The following SYNE2 variants were observed in gnomAD, a reference collection of about 807,000 sequenced individuals.
SYNE2 encodes nesprin-2.
SYNE2 carries 431 observed loss-of-function variants against 856.3 expected under a neutral mutation model. That is an observed-to-expected ratio of 0.50 (90% confidence interval 0.47 to 0.55). SYNE2 has a LOEUF of 0.55. Ranked by LOEUF, SYNE2 falls within the 20% of genes least tolerant of loss-of-function variation. The pLI is 0.00. For missense variants in SYNE2, 8,129 were observed against 8,023.2 expected, an observed-to-expected ratio of 1.01 and a Z score of -0.50; for synonymous variants, 2,923 against 2,872.3, an observed-to-expected ratio of 1.02 and a Z score of -0.56.
intron 8 of SYNE2, among the ~76,000 whole-genome samples, chr14:63,960,230 C>A (rs2096292407): frequency 6.6e-6 from 1 of 152,172 alleles, no homozygotes; most frequent in Non-Finnish European, 1.5e-5. Context: ...AGACCCTACC[C>A]TCAGCTTTTT....
At chr14:63,950,150 C>A in intron 7 of SYNE2, 144 bp downstream of exon 7, 3 of 985,428 alleles carry the variant, frequency 3.0e-6, no homozygotes, top group East Asian at 2.5e-5. Flanking sequence ...ACGTGGAAGC[C>A]CAAGAGCTCA....
intron 11 of SYNE2, among the ~76,000 whole-genome samples, chr14:63,969,799 G>A (rs529404312): frequency 8.5e-5 from 13 of 152,176 alleles, no homozygotes; most frequent in South Asian, 4.2e-4. Context: ...CACATTATCT[G>A]TGTCTTGACT....
rs368558208 is a variant in SYNE2 at position 63,821,753 on chromosome 14, G to GA, written c.-304-30738dup. ...AGGTGACAGAGCAAGACTCCATCTT[G>GA]AAAAAAAAAAGAATAATGGAGTAAG... is the stretch of plus-strand genomic sequence containing the variant. On this transcript the variant is annotated intron_variant, in intron 1 of 23. Transcript: ENST00000674003. Among the ~76,000 whole-genome samples the GA allele has an allele frequency of 7.9e-3, 1,140 of 145,138 alleles. 7 individuals carry two copies. The highest frequency in any genetic ancestry group is 0.018 in the Admixed American group (256 of 14,544).
chr14:63,873,439 A>C (rs1404404753), intron 1 of SYNE2: 1 of 151,974 alleles, frequency 6.6e-6, no homozygotes, highest in Non-Finnish European at 1.5e-5. Flanking sequence ...TCTGTTGCCC[A>C]GGCTGGAGTA....
intron 1 of SYNE2, among the ~76,000 whole-genome samples, chr14:63,803,431 G>C (rs564189554): frequency 5.3e-5 from 8 of 152,332 alleles, no homozygotes; most frequent in Non-Finnish European, 1.0e-4. Context: ...GCTAAGGCTC[G>C]GTGAGAAATC....
rs1375697679 is a variant in SYNE2, at chr14:63,974,892, G to GTGTATATATATATATATATATA, written c.1129-1670_1129-1669insGTATATATATATATATATATAT. Among the ~76,000 whole-genome samples the GTGTATATATATATATATATATA allele has an allele frequency of 9.4e-4, 63 of 67,210 alleles. 1 individual carries two copies. Among genetic ancestry groups the GTGTATATATATATATATATATA allele is most frequent in the Non-Finnish European group, 1.3e-3 (41 of 32,140 alleles). The allele number at this position is 67,210 out of a possible 152,430, so 44.1% of individuals were successfully genotyped here. On this transcript the variant is annotated intron_variant, in intron 11 of 115. Transcript: ENST00000555002. ...TGTGTGTGTGTGTGTGTGTGTGTGT[G>GTGTATATATATATATATATATA]TATATATATATATATATATATATAT...
At chr14:64,004,773 C>G (rs113157914) in intron 30 of SYNE2, among the ~76,000 whole-genome samples, 1,599 of 152,338 alleles carry the variant, frequency 0.01, 31 homozygotes, top group African/African-American at 0.036. Context: ...GAAATGCTCA[C>G]ACCCTCAGGC....
At chr14:64,177,608 G>T (rs552843296) in intron 96 of SYNE2, 125 bp downstream of exon 96, 17 of 1,278,506 alleles carry the variant, frequency 1.3e-5, no homozygotes, top group East Asian at 2.3e-5. Context: ...ATATTTTCCC[G>T]ATCTGTCTAA....
chr14:64,167,580 C>T lies in SYNE2; in HGVS notation c.16846C>T (p.Leu5616Phe). ...IQLLEKIEEA[L>F]KVDVANSLPE... The stretch of plus-strand genomic sequence containing the variant: ...ACTTTTGGAGAAGATAGAAGAAGCA[C>T]TCAAAGTGGATGTGGCTAACAGCCT... The change falls in exon 92 of 116, where the codon CTC (leucine) becomes TTC (phenylalanine). Residue 5616 changes from leucine to phenylalanine, a missense_variant. By Grantham distance (22) the Leu-to-Phe change is conservative. Around this residue, in one of 3 missense-constraint regions of SYNE2, gnomAD observed 5,410 missense variants for 5,284.8 expected, o/e 1.02. Transcript: ENST00000555002. 6.2e-7 allele frequency: 1 copy of T among 1,614,184 alleles called. No homozygotes were observed. The highest frequency in any genetic ancestry group is 8.5e-7 in the Non-Finnish European group (1 of 1,180,032).
intron 1 of SYNE2, among the ~76,000 whole-genome samples, chr14:63,898,091 C>G (rs1185550353): frequency 1.3e-5 from 2 of 152,188 alleles, no homozygotes; most frequent in Non-Finnish European, 2.9e-5. Context: ...TAGTGTATTT[C>G]CTAATGTATG....
At chr14:64,200,029 G>T (rs949091498) in intron 99 of SYNE2, among the ~76,000 whole-genome samples, 5 of 152,126 alleles carry the variant, frequency 3.3e-5, no homozygotes, top group Admixed American at 6.5e-5. Flanking sequence ...AGGGTTAACA[G>T]TTCAAGATCA....
chr14:63,932,700 C>G (rs1351335106), intron 2 of SYNE2, among the ~76,000 whole-genome samples: 1 of 152,160 alleles, frequency 6.6e-6, no homozygotes, highest in Admixed American at 6.6e-5. Context: ...AGTTGAGACC[C>G]TATCTCCAAA....
intron 65 of SYNE2, among the ~76,000 whole-genome samples, chr14:64,108,335 G>A (rs890883015): frequency 2.6e-5 from 4 of 152,190 alleles, no homozygotes; most frequent in South Asian, 2.1e-4. Flanking sequence ...CTGCCTGGGC[G>A]ATTGAGCAAG....
At position 64,167,340 on chromosome 14, in the gene SYNE2, GA is replaced by G. The variant is rs771576629; in HGVS notation, c.16715del (p.Asn5572ThrfsTer23). 1 of 1,614,212 alleles carries G rather than the reference GA, an allele frequency of 6.2e-7. No individual in the cohort carries two copies. Among genetic ancestry groups the G allele is most frequent in the Non-Finnish European group, 8.5e-7 (1 of 1,180,040 alleles). On this transcript the variant is annotated frameshift_variant, in exon 91 of 116. Transcript: ENST00000555002. LOFTEE classifies it high-confidence loss of function. Reference sequence around the variant, plus strand: ...TAGCTGTGAAGACGTTACAAAATATGAACCGGCAATGGATTCGGGCCACGGC... The same window carrying G: ...TAGCTGTGAAGACGTTACAAAATATGACCGGCAATGGATTCGGGCCACGGC... ...DVAVKTLQNM[N>X]RQWIRATATA...
At chr14:64,097,744 TC>T (rs1323978321) in intron 61 of SYNE2, among the ~76,000 whole-genome samples, 1 of 152,228 alleles carries the variant, frequency 6.6e-6, no homozygotes, top group African/African-American at 2.4e-5. Flanking sequence ...GGCTGAGGCA[TC>T]CTATAGCTTA....
chr14:64,072,189 A>T (rs1286536333), intron 52 of SYNE2, among the ~76,000 whole-genome samples: 3 of 152,224 alleles, frequency 2.0e-5, no homozygotes, highest in Admixed American at 6.5e-5. Context: ...TAATTCATTG[A>T]GAAAGATAGT....
chr14:64,087,956 G>A (rs1346083194), intron 58 of SYNE2, 100 bp downstream of exon 58: 2 of 1,306,998 alleles, frequency 1.5e-6, no homozygotes, highest in South Asian at 2.5e-5. Flanking sequence ...GCCAAGGCGG[G>A]TGGATCACTT....
In SYNE2 at chr14:64,035,778, T is replaced by C. The variant is rs369620569; in HGVS notation, c.7221+4421T>C. Among the ~76,000 whole-genome samples, 14 of 152,100 alleles carry C rather than the reference T, an allele frequency of 9.2e-5. No individual in the cohort carries two copies. In the East Asian group the frequency reaches 2.5e-3, roughly 27 times the overall value. ...AGTGCAGTCATAGCTCACTGCAGCC[T>C]TGAGTTCCTAACCCTAAGCCATCCT... On this transcript the variant is annotated intron_variant, in intron 45 of 115. Transcript: ENST00000555002.
At position 64,119,622 on chromosome 14, in the gene SYNE2, T is replaced by G. The variant is rs1475277785; in HGVS notation, c.13023+13T>G. The G allele has an allele frequency of 1.2e-6, 2 of 1,613,494 alleles. No homozygotes were observed. Among genetic ancestry groups the G allele is most frequent in the Non-Finnish European group, 1.7e-6 (2 of 1,179,628 alleles). Reference sequence around the variant, plus strand: ...CAGTGAAGATCAGGTAAAAAATGACTATCTATGGACATTCATCTTGATACA... The same window carrying G: ...CAGTGAAGATCAGGTAAAAAATGACGATCTATGGACATTCATCTTGATACA... On this transcript the variant is annotated intron_variant, in intron 67 of 115. Transcript: ENST00000555002.
Sources: gnomAD v4.1 joint callset for allele counts (sites outside exome capture counted in the v4.1 genomes callset) on GRCh38, gnomAD v4.1.1 for gene constraint, gnomAD v4.1.1 regional missense constraint, MANE v1.5 for transcripts, NCBI Gene and HGNC (gene_info 2026-07-23, HGNC 2026-07-21) for gene names.